ZNF721: variants seen among roughly 807,000 people sequenced by gnomAD.
The protein encoded by ZNF721 is zinc finger protein 721.
Under a neutral mutation model 2.4 loss-of-function variants are expected in ZNF721, and 2 were observed. That is an observed-to-expected ratio of 0.82 (90% CI 0.34 to 2.58). The LOEUF (loss-of-function observed/expected upper bound fraction) is 2.58, where lower values mean the gene tolerates loss of function less well. Ranked by LOEUF, ZNF721 falls within the 30% of genes most tolerant of loss-of-function variation. The probability of loss-of-function intolerance (pLI) is 0.11; values close to 1 mark genes in which losing one functional copy is unlikely to be tolerated. For missense variants in ZNF721, 1,187 were observed against 1,085.5 expected (o/e 1.09, Z -1.31); for synonymous variants, 398 against 381.8 (o/e 1.04, Z -0.50).
chr4:483,118 A>G (rs1378291867), intron 1 of ZNF721, among the ~76,000 whole-genome samples: 1 of 152,238 alleles, frequency 6.6e-6, no homozygotes, highest in East Asian at 1.9e-4. Flanking sequence ...AAGGAGTTGA[A>G]GTAGAAATTA....
At chr4:476,958 T>G (rs77757184) in intron 1 of ZNF721, among the ~76,000 whole-genome samples, 6,608 of 152,260 alleles carry the variant, frequency 0.043, 200 homozygotes, top group African/African-American at 0.089. Flanking sequence ...TCTCCCAGGG[T>G]GCCACCTGGT....
intron 2 of ZNF721, among the ~76,000 whole-genome samples, chr4:452,054 C>A (rs782581405): frequency 5.9e-5 from 9 of 152,178 alleles, no homozygotes; most frequent in Non-Finnish European, 1.3e-4. Flanking sequence ...AAGATAGGGA[C>A]TGGTTGCTAC....
At chr4:472,854 C>T (rs1336110172) in intron 1 of ZNF721, among the ~76,000 whole-genome samples, 153 bp from the exon 2 acceptor site, 1 of 151,966 alleles carries the variant, frequency 6.6e-6, no homozygotes, top group Non-Finnish European at 1.5e-5. Context: ...TATAGCTCTG[C>T]GGAAAAAGGA....
intron 1 of ZNF721, among the ~76,000 whole-genome samples, chr4:488,839 A>G (rs1160629998): frequency 6.6e-6 from 1 of 152,064 alleles, no homozygotes; most frequent in South Asian, 2.1e-4. Context: ...AAAAAAAAAT[A>G]AAATAAATAA....
chr4:469,928 C>A (rs1302769825), intron 2 of ZNF721, among the ~76,000 whole-genome samples: 1 of 152,190 alleles, frequency 6.6e-6, no homozygotes, highest in East Asian at 1.9e-4. Context: ...GTTGCCCAGA[C>A]TGGAGTGCAG....
chr4:452,184 C>T (rs1553864922), intron 2 of ZNF721, among the ~76,000 whole-genome samples: 4 of 152,194 alleles, frequency 2.6e-5, no homozygotes, highest in Non-Finnish European at 5.9e-5. Flanking sequence ...AAGCAGCTGT[C>T]CAAATAGCCG....
In ZNF721 at chr4:442,556, C is replaced by A; in HGVS notation, c.1911G>T (p.Gly637=). 2 of 1,606,194 alleles carry A rather than the reference C, an allele frequency of 1.2e-6. No homozygotes were observed. The highest frequency in any genetic ancestry group is 1.7e-6 in the Non-Finnish European group (2 of 1,177,484). The change falls in exon 3 of 3, where the codon GGG becomes GGT. Residue 637 remains glycine, a synonymous_variant. Transcript: ENST00000511833. ...ACTCTTCACATTTGTAAGGTTTCTC[C>A]CCAGTGTAAATTTTCTTCTGTTGAT... ...DLNQQKKIYT[G]EKPYKCEECG...
In ZNF721 at chr4:440,801, G is replaced by A. The variant is rs1714208852; in HGVS notation, c.*894C>T. ...CTGTCTCAGCCTCCTGAGTAGCTGG[G>A]ATTACAGCCATGCACCACCATGTCC... On this transcript the variant is annotated 3_prime_UTR_variant, in exon 3 of 3. Coordinates refer to ENST00000511833, the MANE Select transcript of ZNF721 (RefSeq NM_133474.4). The A allele has an allele frequency of 6.6e-6, 1 of 152,262 alleles. No homozygotes were observed. Among genetic ancestry groups the A allele is most frequent in the South Asian group, 2.1e-4 (1 of 4,828 alleles). The allele number at this position is 152,262 out of a possible 1,614,324, so 9.4% of individuals were successfully genotyped here.
intron 1 of ZNF721, among the ~76,000 whole-genome samples, chr4:483,629 T>C (rs1715825658): frequency 6.6e-6 from 1 of 151,808 alleles, no homozygotes. Context: ...GAGGAAGTGG[T>C]TTGTGGGCAA....
chr4:455,217 T>TTG (rs1336568437), intron 2 of ZNF721, among the ~76,000 whole-genome samples: 3 of 152,194 alleles, frequency 2.0e-5, no homozygotes, highest in African/African-American at 7.2e-5. Context: ...CTTAAAGATA[T>TTG]TGTGTGTGTG....
chr4:481,921 T>C (rs1553869580), intron 1 of ZNF721, among the ~76,000 whole-genome samples: 1 of 152,216 alleles, frequency 6.6e-6, no homozygotes, highest in Admixed American at 6.5e-5. Flanking sequence ...AAGTTTAATA[T>C]AAACAGAACT....
chr4:441,578 G>C lies in ZNF721; in HGVS notation c.*117C>G. ...TTATGAATTATCTTATGATTAGAAA[G>C]GATTGAGGAGCATTTAAAGACCGCG... is the stretch of plus-strand genomic sequence containing the variant. On this transcript the variant is annotated 3_prime_UTR_variant, in exon 3 of 3. Coordinates refer to ENST00000511833, the MANE Select transcript of ZNF721 (RefSeq NM_133474.4). The C allele has an allele frequency of 1.2e-6, 1 of 811,886 alleles. No individual in the cohort carries two copies. The highest frequency in any genetic ancestry group is 1.9e-6 in the Non-Finnish European group (1 of 526,542). The allele number at this position is 811,886 out of a possible 1,614,324, so 50.3% of individuals were successfully genotyped here. A position where few individuals can be genotyped will look rare whatever the true frequency, so the allele number is the denominator to read the frequency against.
At chr4:444,979 CTTTTTT>C (rs569762644) in intron 2 of ZNF721, among the ~76,000 whole-genome samples, 1 of 108,730 alleles carries the variant, frequency 9.2e-6, no homozygotes, top group Non-Finnish European at 1.7e-5. Flanking sequence ...TGATGAGAGA[CTTTTTT>C]TTTTTTTTTT....
At chr4:455,281 C>G (rs1714810960) in intron 2 of ZNF721, among the ~76,000 whole-genome samples, 1 of 152,110 alleles carries the variant, frequency 6.6e-6, no homozygotes, top group Non-Finnish European at 1.5e-5. Flanking sequence ...AAAACAAAAG[C>G]CTGAGGCCAG....
chr4:463,167 A>C (rs1715123272), intron 2 of ZNF721, among the ~76,000 whole-genome samples: 1 of 152,240 alleles, frequency 6.6e-6, no homozygotes, highest in Non-Finnish European at 1.5e-5. Flanking sequence ...GCTCATCGTC[A>C]CTGGTCGTTA....
At position 443,150 on chromosome 4, in the gene ZNF721, A is replaced by G; in HGVS notation, c.1317T>C (p.His439=). 6.2e-7 allele frequency: 1 copy of G among 1,613,874 alleles called. No homozygotes were observed. Among genetic ancestry groups the G allele is most frequent in the Non-Finnish European group, 8.5e-7 (1 of 1,179,886 alleles). ...TACATTTGTAGGGTTTATCTCCAGT[A>G]TGAATTTTCTTATATTCATTCAGGT... ...STNLNEYKKI[H]TGDKPYKCKE... is the part of the protein sequence containing the mutation. Residue 439 remains histidine, a synonymous_variant, in exon 3 of 3, where the codon CAT becomes CAC. Transcript: ENST00000511833.
intron 2 of ZNF721, among the ~76,000 whole-genome samples, chr4:445,635 A>C (rs1714448271): frequency 6.6e-6 from 1 of 152,216 alleles, no homozygotes; most frequent in Admixed American, 6.5e-5. Context: ...ACTAAATGTA[A>C]TCAGAAAAAT....
chr4:480,175 A>C (rs2108717691), intron 1 of ZNF721, among the ~76,000 whole-genome samples: 1 of 152,108 alleles, frequency 6.6e-6, no homozygotes, highest in African/African-American at 2.4e-5. Flanking sequence ...CTTCCTCTAA[A>C]AACATAACCC....
Position 441,878 on chromosome 4 carries a change from T to C in ZNF721, c.2589A>G (p.Lys863=). 1 of 1,613,916 alleles carries C rather than the reference T, an allele frequency of 6.2e-7. No individual in the cohort carries two copies. ...TGCCACATTCTCCACATGTGTAGGGTTTCTCTCCAGTATGAATTCTCCTAT... is the reference window on the plus strand; with the variant it reads ...TGCCACATTCTCCACATGTGTAGGGCTTCTCTCCAGTATGAATTCTCCTAT... ...YVHRRIHTGE[K]PYTCGECGKT... is the part of the protein sequence containing the mutation. The change falls in exon 3 of 3, where the codon AAA becomes AAG. Residue 863 remains lysine (K), a synonymous_variant. Transcript: ENST00000511833.
Sources: gnomAD v4.1 joint callset for allele counts (sites outside exome capture counted in the v4.1 genomes callset) on GRCh38, gnomAD v4.1.1 for gene constraint, MANE v1.5 for transcripts, NCBI Gene and HGNC (gene_info 2026-07-23, HGNC 2026-07-21) for gene names.